GRIK1: variants seen among roughly 807,000 people sequenced by gnomAD.
GRIK1 encodes the protein glutamate receptor ionotropic, kainate 1.
In GRIK1, 69 loss-of-function variants were observed where a neutral mutation model predicts 105.7. That is an observed-to-expected ratio of 0.65 (90% CI 0.54 to 0.80). GRIK1 has a LOEUF of 0.80. Ranked by LOEUF, GRIK1 falls within the 30% of genes least tolerant of loss-of-function variation. GRIK1 has a pLI of 0.00. For missense variants in GRIK1, 1,109 were observed against 1,167.3 expected (o/e 0.95, Z 0.73); for synonymous variants, 438 against 431.3 (o/e 1.02, Z -0.19).
At chr21:29,927,339 T>C (rs1396895126) in intron 1 of GRIK1, among the ~76,000 whole-genome samples, 1 of 150,768 alleles carries the variant, frequency 6.6e-6, no homozygotes, top group Non-Finnish European at 1.5e-5. Context: ...AACTAAAGGA[T>C]AATTATAATA....
At chr21:29,627,612 C>T (rs1472623937) in intron 7 of GRIK1, among the ~76,000 whole-genome samples, 1 of 152,208 alleles carries the variant, frequency 6.6e-6, no homozygotes, top group East Asian at 1.9e-4. Flanking sequence ...GGCAGTCAGA[C>T]TCAATTCCTG....
intron 1 of GRIK1, among the ~76,000 whole-genome samples, chr21:29,743,116 C>T (rs1348272236): frequency 6.6e-6 from 1 of 151,726 alleles, no homozygotes; most frequent in African/African-American, 2.4e-5. Context: ...GGTAAAGTAT[C>T]AGAATTTCTG....
intron 1 of GRIK1, among the ~76,000 whole-genome samples, chr21:29,862,036 T>C (rs1320361408): frequency 6.6e-6 from 1 of 152,160 alleles, no homozygotes. Context: ...GCCCAGGCTG[T>C]GGTGCAATGG....
rs1307070118 is a variant in GRIK1 at position 29,587,430 on chromosome 21, C to T, written c.1729G>A (p.Asp577Asn). 1 of 1,613,956 alleles carries T rather than the reference C, an allele frequency of 6.2e-7. No homozygotes were observed. The highest frequency in any genetic ancestry group is 1.7e-5 in the Admixed American group (1 of 59,998). ...GCTAAGAGCACATACATCCAAATAT[C>T]TGGAGACAGGGGGTTGAGGAAGGAG... ...VFSFLNPLSPDIWMYVLLACL... is the reference protein window; with the variant it reads ...VFSFLNPLSPNIWMYVLLACL... The change falls in exon 12 of 18, where the codon GAT (aspartate) becomes AAT (asparagine). Residue 577 changes from aspartate (D) to asparagine (N), a missense_variant. Physicochemically the swap from Asp to Asn is conservative, Grantham distance 23 (BLOSUM62 1). Coordinates refer to ENST00000327783, the MANE Select transcript of GRIK1 (RefSeq NM_001330994.2).
chr21:29,681,296 C>T (rs1447018969), intron 3 of GRIK1, among the ~76,000 whole-genome samples: 1 of 152,208 alleles, frequency 6.6e-6, no homozygotes, highest in Non-Finnish European at 1.5e-5. Flanking sequence ...CAAAACTCTT[C>T]CACGGCTTCC....
intron 1 of GRIK1, among the ~76,000 whole-genome samples, chr21:29,870,173 A>T (rs2068960716): frequency 6.6e-6 from 1 of 152,166 alleles, no homozygotes; most frequent in African/African-American, 2.4e-5. Flanking sequence ...AGTGTATTAA[A>T]TTTCTTCATA....
intron 4 of GRIK1, 99 bp from the exon 5 acceptor site, chr21:29,654,962 G>T (rs1277366089): frequency 1.2e-6 from 1 of 812,276 alleles, no homozygotes; most frequent in Non-Finnish European, 2.2e-6. Flanking sequence ...CATAGAACAG[G>T]AAGGGACTTT....
chr21:29,896,514 A>C (rs1224357377), intron 1 of GRIK1, among the ~76,000 whole-genome samples: 1 of 152,200 alleles, frequency 6.6e-6, no homozygotes, highest in East Asian at 1.9e-4. Flanking sequence ...CCCAGAATAT[A>C]TAGGCACTCA....
intron 12 of GRIK1, among the ~76,000 whole-genome samples, chr21:29,582,592 AT>A (rs34473668): frequency 2.0e-5 from 3 of 152,008 alleles, no homozygotes; most frequent in Admixed American, 6.6e-5. Context: ...TTCTTTCTCT[AT>A]TTTTTTAAGC....
In GRIK1 at chr21:29,667,446, T is replaced by A. The variant is rs901746023; in HGVS notation, c.726+5537A>T. On this transcript the variant is annotated intron_variant, in intron 4 of 17. Transcript: ENST00000327783. ...GTTTTTATGTTAATTGAAAGAGATTTAAAAAAAAAGTGGGTTGGGGGTGGA... is the reference window on the plus strand; with the variant it reads ...GTTTTTATGTTAATTGAAAGAGATTAAAAAAAAAAGTGGGTTGGGGGTGGA... Among the ~76,000 whole-genome samples the A allele has an allele frequency of 2.0e-5, 3 of 151,300 alleles. No individual in the cohort carries two copies. In the South Asian group the frequency reaches 6.3e-4, roughly 32 times the overall value.
At chr21:29,662,664 G>A (rs919312445) in intron 4 of GRIK1, among the ~76,000 whole-genome samples, 1 of 152,050 alleles carries the variant, frequency 6.6e-6, no homozygotes, top group South Asian at 2.1e-4. Context: ...GATCTTGCTG[G>A]TCTCACGAGA....
intron 3 of GRIK1, among the ~76,000 whole-genome samples, chr21:29,685,117 T>C (rs2063464649): frequency 6.6e-6 from 1 of 152,236 alleles, no homozygotes; most frequent in African/African-American, 2.4e-5. Flanking sequence ...GATATTTTTG[T>C]TTATGTCCTT....
intron 4 of GRIK1, among the ~76,000 whole-genome samples, chr21:29,667,675 C>T (rs1344515244): frequency 6.6e-6 from 1 of 152,188 alleles, no homozygotes; most frequent in East Asian, 1.9e-4. Flanking sequence ...ACAGCATGTT[C>T]ATGCTCACCT....
chr21:29,802,847 G>A (rs914649624), intron 1 of GRIK1, among the ~76,000 whole-genome samples: 11 of 152,014 alleles, frequency 7.2e-5, no homozygotes, highest in African/African-American at 2.2e-4. Flanking sequence ...ATTTGATCCC[G>A]GATCTTCCAC....
chr21:29,788,605 A>G (rs2066327192), intron 1 of GRIK1, among the ~76,000 whole-genome samples: 1 of 152,222 alleles, frequency 6.6e-6, no homozygotes, highest in Non-Finnish European at 1.5e-5. Context: ...ATTCAAGTGC[A>G]TTACATTTAT....
At chr21:29,799,141 A>G (rs2066636532) in intron 1 of GRIK1, among the ~76,000 whole-genome samples, 1 of 152,212 alleles carries the variant, frequency 6.6e-6, no homozygotes, top group Admixed American at 6.5e-5. Context: ...TATCAGTTAC[A>G]TGGAAACAAT....
rs114178848 is a variant in GRIK1 at position 29,894,601 on chromosome 21, C to T, written c.118+44782G>A. On this transcript the variant is annotated intron_variant, in intron 1 of 17. Transcript: ENST00000327783. ...AATGTTAATCTCCTTTGGCGACACC[C>T]ACACAGACATGCCCAGAAACAATAC... 1.7e-3 allele frequency among the ~76,000 whole-genome samples: 254 copies of T among 152,244 alleles called. 1 individual carries two copies. The highest frequency in any genetic ancestry group is 6.0e-3 in the African/African-American group (249 of 41,544).
At chr21:29,852,162 T>C (rs978935550) in intron 1 of GRIK1, among the ~76,000 whole-genome samples, 1 of 152,308 alleles carries the variant, frequency 6.6e-6, no homozygotes, top group African/African-American at 2.4e-5. Flanking sequence ...AGGATTTTCC[T>C]TAATGCTGCT....
rs540347421 is a variant in GRIK1 at position 29,809,403 on chromosome 21, T to A, written c.119-115340A>T. ...TAAAAGAAAAGTACATACCTTGATT[T>A]AAAAATGCTTTATTGCTTAAAAATG... On this transcript the variant is annotated intron_variant, in intron 1 of 17. Transcript: ENST00000327783. 3.6e-4 allele frequency among the ~76,000 whole-genome samples: 55 copies of A among 152,306 alleles called. No individual in the cohort carries two copies. The Middle Eastern group carries it at 0.02, about 57-fold the overall frequency.
Sources: gnomAD v4.1 joint callset for allele counts (sites outside exome capture counted in the v4.1 genomes callset) on GRCh38, gnomAD v4.1.1 for gene constraint, MANE v1.5 for transcripts, NCBI Gene and HGNC (gene_info 2026-07-23, HGNC 2026-07-21) for gene names.